The following CCDC126 variants were observed in gnomAD, a reference collection of about 807,000 sequenced individuals.
CCDC126 encodes coiled-coil domain-containing protein 126.
In CCDC126, 5 loss-of-function variants were observed where a neutral mutation model predicts 11.7. The ratio of observed to expected loss-of-function variants is 0.43; its 90% CI spans 0.22 to 0.90. The LOEUF (loss-of-function observed/expected upper bound fraction) is 0.90, where lower values mean the gene tolerates loss of function less well. Among genes scored for constraint, CCDC126 ranks in the 40% least tolerant of loss-of-function variants. CCDC126 has a pLI of 0.27. For synonymous variants in CCDC126, 60 were observed against 61.9 expected, an observed-to-expected ratio of 0.97 and a Z score of 0.14; for missense variants, 150 against 163.1, an observed-to-expected ratio of 0.92 and a Z score of 0.44.
intron 3 of CCDC126, among the ~76,000 whole-genome samples, chr7:23,642,034 G>C (rs10241204): frequency 0.79 from 119,423 of 152,060 alleles, 47,365 homozygotes; most frequent in African/African-American, 0.89. Flanking sequence ...TTTTTTGAGA[G>C]GGAGTCTTGC....
intron 2 of CCDC126, among the ~76,000 whole-genome samples, chr7:23,605,372 G>A (rs1339600622): frequency 1.3e-5 from 2 of 151,632 alleles, no homozygotes; most frequent in Admixed American, 1.3e-4. Flanking sequence ...CTGTTGAAAG[G>A]TTTTTAAGCA....
intron 3 of CCDC126, among the ~76,000 whole-genome samples, chr7:23,636,619 G>C (rs2128021838): frequency 1.5e-5 from 2 of 135,402 alleles, no homozygotes; most frequent in African/African-American, 5.7e-5. Flanking sequence ...GAAACTCTCT[G>C]CCTGGCAACC....
chr7:23,639,473 G>A (rs767041341), intron 3 of CCDC126, among the ~76,000 whole-genome samples: 23 of 152,226 alleles, frequency 1.5e-4, no homozygotes, highest in Non-Finnish European at 2.9e-4. Context: ...CCAAAGTGCT[G>A]GGATTACAGG....
At chr7:23,641,918 C>T (rs778505169) in intron 3 of CCDC126, among the ~76,000 whole-genome samples, 2 of 152,222 alleles carry the variant, frequency 1.3e-5, no homozygotes, top group African/African-American at 4.8e-5. Flanking sequence ...TAGGCTCCCC[C>T]ACAACTCCAC....
At position 23,643,262 on chromosome 7, in the gene CCDC126, C is replaced by CT. The variant is rs1783398561; in HGVS notation, c.*148dup. ...AGGAGTATGCTGGATTCATGGAACT[C>CT]TAATTCTGTACATAAAAATTTTAAA... On this transcript the variant is annotated 3_prime_UTR_variant, in exon 4 of 4. Coordinates refer to ENST00000307471, the MANE Select transcript of CCDC126 (RefSeq NM_138771.4). The CT allele has an allele frequency of 2.9e-6, 2 of 685,004 alleles. No individual in the cohort carries two copies. The highest frequency in any genetic ancestry group is 3.4e-5 in the Admixed American group (1 of 29,504). 42.4% of individuals were successfully genotyped at this position (685,004 alleles called of 1,614,324 possible).
At chr7:23,635,832 GCT>G (rs1234468107) in intron 3 of CCDC126, among the ~76,000 whole-genome samples, 2 of 151,978 alleles carry the variant, frequency 1.3e-5, no homozygotes, top group Non-Finnish European at 2.9e-5. Flanking sequence ...TAGGCTTTTA[GCT>G]TCATTTTGTT....
intron 2 of CCDC126, among the ~76,000 whole-genome samples, chr7:23,608,832 T>C (rs1158013888): frequency 6.6e-6 from 1 of 152,216 alleles, no homozygotes; most frequent in Non-Finnish European, 1.5e-5. Flanking sequence ...ATTTTATTAT[T>C]ACTCAAACCC....
Position 23,628,317 on chromosome 7 carries a change from T to A in CCDC126, c.239-14614T>A, listed in dbSNP as rs530987954. Reference sequence around the variant, plus strand: ...CAGGAGACCAGGAGTGACACAGTGGTATGTTCCCTGTGTGTATTTCAGAGT... The same window carrying A: ...CAGGAGACCAGGAGTGACACAGTGGAATGTTCCCTGTGTGTATTTCAGAGT... On this transcript the variant is annotated intron_variant, in intron 3 of 3. Coordinates refer to ENST00000307471, the MANE Select transcript of CCDC126 (RefSeq NM_138771.4). 2.6e-5 allele frequency among the ~76,000 whole-genome samples: 4 copies of A among 152,232 alleles called. No homozygotes were observed. In the South Asian group the frequency reaches 8.3e-4, roughly 32 times the overall value.
chr7:23,631,072 C>A (rs867052118), intron 3 of CCDC126, among the ~76,000 whole-genome samples: 1 of 151,694 alleles, frequency 6.6e-6, no homozygotes, highest in African/African-American at 2.4e-5. Context: ...GTCTCAAATC[C>A]GTAATCTAAG....
At chr7:23,630,158 C>CAT (rs942767357) in intron 3 of CCDC126, among the ~76,000 whole-genome samples, 23 of 151,918 alleles carry the variant, frequency 1.5e-4, no homozygotes, top group South Asian at 4.1e-4. Flanking sequence ...ATCCAATTTA[C>CAT]ATATATATAT....
At chr7:23,622,968 CTT>C (rs1228157804) in intron 3 of CCDC126, 503 of 91,960 alleles carry the variant, frequency 5.5e-3, no homozygotes, top group South Asian at 0.019. Flanking sequence ...TATGCTCACT[CTT>C]TTTTTTTTTT....
intron 3 of CCDC126, among the ~76,000 whole-genome samples, chr7:23,642,528 C>T (rs367605177): frequency 6.6e-6 from 1 of 151,870 alleles, no homozygotes; most frequent in South Asian, 2.1e-4. Context: ...TTTGGGAGGC[C>T]GAGGAGTGCG....
intron 3 of CCDC126, among the ~76,000 whole-genome samples, chr7:23,628,697 G>A (rs142961823): frequency 6.6e-6 from 1 of 151,390 alleles, no homozygotes; most frequent in African/African-American, 2.5e-5. Context: ...GACCAGTGGA[G>A]ACCACATGGA....
intron 3 of CCDC126, among the ~76,000 whole-genome samples, chr7:23,636,829 C>T (rs1783233332): frequency 8.3e-6 from 1 of 120,766 alleles, no homozygotes; most frequent in Non-Finnish European, 1.8e-5. Context: ...AGGGGCTCCT[C>T]TGCCCGGCCG....
At position 23,644,222 on chromosome 7, in the gene CCDC126, G is replaced by A. The variant is rs1783420038; in HGVS notation, c.*1107G>A. ...TAAGAACATTTAAAATATAAACTAT[G>A]AAGATTGACTATCTTTTCAGGAAAA... On this transcript the variant is annotated 3_prime_UTR_variant, in exon 4 of 4. Transcript: ENST00000307471. 3 of 152,286 alleles carry A rather than the reference G, an allele frequency of 2.0e-5. No homozygotes were observed. The highest frequency in any genetic ancestry group is 1.3e-4 in the Admixed American group (2 of 15,272). 9.4% of individuals were successfully genotyped at this position (152,286 alleles called of 1,614,324 possible). A position where few individuals can be genotyped will look rare whatever the true frequency, so the allele number is the denominator to read the frequency against.
chr7:23,638,727 T>TAAAAAAAAAAAAAAAAAACA (rs1783291920), intron 3 of CCDC126, among the ~76,000 whole-genome samples: 2 of 89,670 alleles, frequency 2.2e-5, no homozygotes, highest in Admixed American at 1.4e-4. Context: ...AAAAAAAAAT[T>TAAAAAAAAAAAAAAAAAACA]AAAAAAAAAA....
intron 2 of CCDC126, among the ~76,000 whole-genome samples, chr7:23,607,821 C>T (rs1206658887): frequency 1.3e-5 from 2 of 152,114 alleles, no homozygotes; most frequent in African/African-American, 2.4e-5. Flanking sequence ...CCTTCAAGGT[C>T]GTCATGGTGT....
chr7:23,602,623 G>C (rs1782562372), intron 2 of CCDC126, among the ~76,000 whole-genome samples: 1 of 152,108 alleles, frequency 6.6e-6, no homozygotes, highest in South Asian at 2.1e-4. Flanking sequence ...ATAGGAATAA[G>C]GAATTTGTTG....
rs1783398614 is a variant in CCDC126 at position 23,643,268 on chromosome 7, C to T, written c.*153C>T. 4.6e-6 allele frequency: 3 copies of T among 657,706 alleles called. No homozygotes were observed. Among genetic ancestry groups the T allele is most frequent in the Non-Finnish European group, 7.3e-6 (3 of 408,902 alleles). The allele number at this position is 657,706 out of a possible 1,614,324, so 40.7% of individuals were successfully genotyped here. A position where few individuals can be genotyped will look rare whatever the true frequency, so the allele number is the denominator to read the frequency against. On this transcript the variant is annotated 3_prime_UTR_variant, in exon 4 of 4. Coordinates refer to ENST00000307471, the MANE Select transcript of CCDC126 (RefSeq NM_138771.4). ...ATGCTGGATTCATGGAACTCTAATT[C>T]TGTACATAAAAATTTTAAAGTTATT...
Sources: allele counts gnomAD v4.1 joint callset (sites outside exome capture counted in the v4.1 genomes callset), GRCh38; gene constraint gnomAD v4.1.1; transcripts MANE v1.5; gene names NCBI Gene and HGNC (gene_info 2026-07-23, HGNC 2026-07-21).